The following SLC4A5 variants were observed in gnomAD, a reference collection of about 807,000 sequenced individuals.
SLC4A5 encodes electrogenic sodium bicarbonate cotransporter 4.
A neutral mutation model predicts 120.4 loss-of-function variants in SLC4A5; 96 were observed. The observed-to-expected ratio is 0.80, with a 90% CI of 0.68 to 0.94. The LOEUF is 0.94. Among genes scored for constraint, SLC4A5 ranks in the 40% least tolerant of loss-of-function variants. The probability of loss-of-function intolerance (pLI) is 0.00; values close to 1 mark genes in which losing one functional copy is unlikely to be tolerated. For synonymous variants in SLC4A5, 550 were observed against 571.1 expected (o/e 0.96, Z 0.53); for missense variants, 1,259 against 1,459.5 (o/e 0.86, Z 2.24).
At chr2:74,336,564 C>G (rs985270716) in intron 3 of SLC4A5, among the ~76,000 whole-genome samples, 9 of 152,046 alleles carry the variant, frequency 5.9e-5, no homozygotes, top group African/African-American at 2.2e-4. Flanking sequence ...CAGTGCTTGG[C>G]AAGTAGAAGC....
intron 2 of SLC4A5, 171 bp from the exon 3 acceptor site, chr2:74,339,074 T>C (rs1673564453): frequency 6.6e-6 from 1 of 152,150 alleles, no homozygotes; most frequent in Non-Finnish European, 1.5e-5. Context: ...TTGTTCACAG[T>C]GGCAAAACAT....
At chr2:74,259,231 T>C (rs942621214) in intron 12 of SLC4A5, among the ~76,000 whole-genome samples, 6 of 152,170 alleles carry the variant, frequency 3.9e-5, no homozygotes, top group Non-Finnish European at 5.9e-5. Context: ...CCAGCCCCAG[T>C]CCCTATCCCA....
At chr2:74,276,515 G>T (rs1336535764) in intron 8 of SLC4A5, among the ~76,000 whole-genome samples, 1 of 152,184 alleles carries the variant, frequency 6.6e-6, no homozygotes, top group Non-Finnish European at 1.5e-5. Context: ...CAGAGATGGG[G>T]TGTGGTCTCT....
chr2:74,222,980 T>A, intron 28 of SLC4A5, 28 bp from the exon 29 acceptor site: 2 of 1,471,688 alleles, frequency 1.4e-6, no homozygotes, highest in Non-Finnish European at 1.9e-6. Context: ...GAAAAGAGGA[T>A]AAACACCAAC....
chr2:74,264,433 T>TG, intron 9 of SLC4A5, 134 bp from the exon 10 acceptor site: 1 of 1,044,940 alleles, frequency 9.6e-7, no homozygotes, highest in Non-Finnish European at 1.3e-6. Flanking sequence ...GCTTTGCCAC[T>TG]AGCTGTGGAA....
chr2:74,239,170 G>A (rs1219775385), intron 21 of SLC4A5, among the ~76,000 whole-genome samples, 165 bp downstream of exon 21: 1 of 152,198 alleles, frequency 6.6e-6, no homozygotes, highest in Non-Finnish European at 1.5e-5. Context: ...GTGTTGTCAA[G>A]GGGACCAGCC....
intron 6 of SLC4A5, among the ~76,000 whole-genome samples, chr2:74,309,656 ATTTTT>A (rs201372695): frequency 1.4e-5 from 2 of 141,662 alleles, no homozygotes; most frequent in African/African-American, 5.2e-5. Flanking sequence ...TGAACATGAA[ATTTTT>A]TTTTTTTTTT....
At chr2:74,275,200 C>T (rs937853472) in intron 8 of SLC4A5, among the ~76,000 whole-genome samples, 1 of 152,082 alleles carries the variant, frequency 6.6e-6, no homozygotes, top group Non-Finnish European at 1.5e-5. Context: ...GTGTGGCATT[C>T]GAGGGAGCTG....
At chr2:74,330,790 G>C (rs1482513601) in intron 4 of SLC4A5, among the ~76,000 whole-genome samples, 1 of 149,186 alleles carries the variant, frequency 6.7e-6, no homozygotes, top group Admixed American at 6.7e-5. Flanking sequence ...GTGAGGTCTA[G>C]ATGGAGGCAG....
intron 6 of SLC4A5, among the ~76,000 whole-genome samples, chr2:74,306,367 C>G (rs1001709396): frequency 6.6e-6 from 1 of 152,182 alleles, no homozygotes; most frequent in African/African-American, 2.4e-5. Flanking sequence ...AAACTTCTTC[C>G]CCAAACAGAA....
intron 4 of SLC4A5, among the ~76,000 whole-genome samples, chr2:74,333,062 C>T (rs1213696428): frequency 6.6e-6 from 1 of 152,100 alleles, no homozygotes; most frequent in Admixed American, 6.6e-5. Context: ...AAAGAACTGG[C>T]CCCAGTGTTC....
rs747126581 is a variant in SLC4A5 at position 74,314,981 on chromosome 2, G to A, written c.43C>T (p.His15Tyr). Residue 15 changes from histidine (H) to tyrosine (Y), a missense_variant, in exon 6 of 31, where the codon CAC becomes TAC. Coordinates refer to ENST00000394019, the Ensembl canonical transcript of SLC4A5. ...GGAAATCTCCTCCTGTGGTTAGTGTGGTCCAGCTTTCCTACCCCAGCCTTC... is the reference window on the plus strand; with the variant it reads ...GGAAATCTCCTCCTGTGGTTAGTGTAGTCCAGCTTTCCTACCCCAGCCTTC... 8 of 1,613,824 alleles carry A rather than the reference G, an allele frequency of 5.0e-6. No individual in the cohort carries two copies. The Admixed American group carries it at 6.7e-5, about 13-fold the overall frequency.
intron 27 of SLC4A5, 134 bp downstream of exon 27, chr2:74,226,823 G>T: frequency 9.9e-7 from 1 of 1,010,140 alleles, no homozygotes; most frequent in Non-Finnish European, 1.5e-6. Context: ...TTCTGTGCCA[G>T]CCTCCGTGAC....
At chr2:74,221,616 C>G in intron 29 of SLC4A5, 115 bp from the exon 30 acceptor site, 1 of 1,036,864 alleles carries the variant, frequency 9.6e-7, no homozygotes, top group South Asian at 1.4e-5. Context: ...CAACACTATG[C>G]AAGAGGAATA....
rs745322003 is a variant in SLC4A5 at position 74,259,640 on chromosome 2, T to C, written c.815A>G (p.His272Arg). Residue 272 changes from histidine (H) to arginine (R), a missense_variant, in exon 12 of 31, where the codon CAT becomes CGT. Coordinates refer to ENST00000394019, the Ensembl canonical transcript of SLC4A5. ...GTCATTCATGCTTCTGCTCTGGGCA[T>C]GACCTAGGAGAAAAGGAAAAGAAGA... The C allele has an allele frequency of 4.3e-6, 7 of 1,614,080 alleles. No individual in the cohort carries two copies. In the Admixed American group the frequency reaches 1.0e-4, roughly 23 times the overall value.
intron 7 of SLC4A5, among the ~76,000 whole-genome samples, chr2:74,302,511 C>T (rs1387234084): frequency 1.3e-5 from 2 of 152,020 alleles, no homozygotes; most frequent in Non-Finnish European, 2.9e-5. Context: ...CAGCTACTCG[C>T]GAGGCTGAGG....
At chr2:74,222,747 G>T (rs1694695762) in intron 29 of SLC4A5, 121 bp downstream of exon 29, 8 of 870,974 alleles carry the variant, frequency 9.2e-6, no homozygotes, top group Non-Finnish European at 1.5e-5. Flanking sequence ...CAAAAAAGTT[G>T]GGGACTGCTG....
chr2:74,231,371 C>T, intron 24 of SLC4A5, 63 bp from the exon 25 acceptor site: 1 of 1,486,284 alleles, frequency 6.7e-7, no homozygotes, highest in Non-Finnish European at 9.2e-7. Context: ...CTCTGGCCCT[C>T]CTGCCCCTCT....
rs1051155132 is a variant in SLC4A5, at chr2:74,220,763, G to A, written c.*33+671C>T. ...CATCTCCTGACCTTGTGATCTGCCC[G>A]CCTCAGCCTCCCAAAGTGCTGGGAC... is the stretch of plus-strand genomic sequence containing the variant. On this transcript the variant is annotated intron_variant, in intron 30 of 30. Coordinates refer to ENST00000394019, the Ensembl canonical transcript of SLC4A5. Among the ~76,000 whole-genome samples the A allele has an allele frequency of 5.3e-5, 8 of 150,314 alleles. No homozygotes were observed. In the East Asian group the frequency reaches 7.8e-4, roughly 15 times the overall value.
Sources: gnomAD v4.1 joint callset for allele counts (sites outside exome capture counted in the v4.1 genomes callset) on GRCh38, gnomAD v4.1.1 for gene constraint, MANE v1.5 for transcripts, NCBI Gene and HGNC (gene_info 2026-07-23, HGNC 2026-07-21) for gene names.